The following ARHGAP10 variants were observed in gnomAD, a reference collection of about 807,000 sequenced individuals.
The protein encoded by ARHGAP10 is Rho GTPase activating protein 10, also known as rho GTPase-activating protein 10.
ARHGAP10 carries 87 observed loss-of-function variants against 108.6 expected under a neutral mutation model. The observed-to-expected ratio is 0.80, with a 90% confidence interval of 0.67 to 0.96. The LOEUF (loss-of-function observed/expected upper bound fraction) is 0.96. ARHGAP10 is among the 40% of genes least tolerant of loss of function. The pLI is 0.00. For synonymous variants in ARHGAP10, 347 were observed against 341.1 expected (o/e 1.02, Z -0.19); for missense variants, 939 against 954.5 (o/e 0.98, Z 0.21).
At chr4:147,732,775 G>A (rs987083711) in intron 1 of ARHGAP10, among the ~76,000 whole-genome samples, 1 of 152,178 alleles carries the variant, frequency 6.6e-6, no homozygotes, top group Admixed American at 6.5e-5. Context: ...CCGACCCTAG[G>A]CACTCCTGGC....
chr4:148,026,697 A>G (rs1354986539), intron 19 of ARHGAP10, among the ~76,000 whole-genome samples: 1 of 152,304 alleles, frequency 6.6e-6, no homozygotes, highest in East Asian at 1.9e-4. Context: ...TGAGATTCTC[A>G]TCTTTTATTT....
chr4:148,062,711 C>A (rs971562739), intron 20 of ARHGAP10, among the ~76,000 whole-genome samples: 1 of 152,168 alleles, frequency 6.6e-6, no homozygotes, highest in Non-Finnish European at 1.5e-5. Flanking sequence ...AATTGCCACA[C>A]GTGTAGGAGC....
chr4:147,755,412 A>C (rs1472350937), intron 1 of ARHGAP10, among the ~76,000 whole-genome samples: 1 of 151,976 alleles, frequency 6.6e-6, no homozygotes, highest in East Asian at 1.9e-4. Flanking sequence ...GACCCTAGCT[A>C]CTCGGGAGGC....
intron 18 of ARHGAP10, among the ~76,000 whole-genome samples, chr4:148,003,620 G>A (rs934694980): frequency 7.9e-5 from 12 of 152,248 alleles, no homozygotes; most frequent in Admixed American, 7.8e-4. Context: ...TATATGTTTA[G>A]GATAGTTAGC....
chr4:148,069,973 A>C (rs1430574745), intron 22 of ARHGAP10, among the ~76,000 whole-genome samples: 1 of 152,254 alleles, frequency 6.6e-6, no homozygotes, highest in Non-Finnish European at 1.5e-5. Flanking sequence ...GTCAGAGTCA[A>C]GGTCAGTGAA....
Position 147,899,135 on chromosome 4 carries a change from G to A in ARHGAP10, c.1035-7503G>A, listed in dbSNP as rs545818190. On this transcript the variant is annotated intron_variant, in intron 10 of 22. Coordinates refer to ENST00000336498, the MANE Select transcript of ARHGAP10 (RefSeq NM_024605.4). Reference sequence around the variant, plus strand: ...TCCTCATGAGCGCTTGAGGTCCCACGGACAAGAGTTGGAGGGCGGGTTCAG... The same window carrying A: ...TCCTCATGAGCGCTTGAGGTCCCACAGACAAGAGTTGGAGGGCGGGTTCAG... 5.3e-5 allele frequency among the ~76,000 whole-genome samples: 8 copies of A among 152,212 alleles called. No homozygotes were observed. The South Asian group carries it at 1.5e-3, about 28-fold the overall frequency.
At position 147,822,758 on chromosome 4, in the gene ARHGAP10, T is replaced by TTCAC; in HGVS notation, c.190_193dup (p.Arg65ThrfsTer5). ...CAGTGGCCCAGCGGAAGTTTGCTCA[T>TTCAC]TCACTCAGAGACTTTAAGTTTGAGT... On this transcript the variant is annotated frameshift_variant, in exon 2 of 23. Transcript: ENST00000336498. LOFTEE classifies it high-confidence loss of function. 6.2e-7 allele frequency: 1 copy of TTCAC among 1,614,242 alleles called. No homozygotes were observed. The highest frequency in any genetic ancestry group is 1.3e-5 in the African/African-American group (1 of 75,062).
intron 18 of ARHGAP10, among the ~76,000 whole-genome samples, chr4:147,989,534 C>T (rs1020427899): frequency 1.3e-5 from 2 of 152,166 alleles, no homozygotes; most frequent in Non-Finnish European, 2.9e-5. Context: ...CCCCTAGGTG[C>T]GCATTCCCTT....
At chr4:148,043,244 C>T (rs1028134926) in intron 19 of ARHGAP10, among the ~76,000 whole-genome samples, 14 of 152,132 alleles carry the variant, frequency 9.2e-5, no homozygotes, top group African/African-American at 3.4e-4. Flanking sequence ...CTCTTCTAAT[C>T]GGCGGTAGTT....
intron 13 of ARHGAP10, among the ~76,000 whole-genome samples, chr4:147,920,629 A>G (rs1014610667): frequency 1.5e-4 from 12 of 79,074 alleles, no homozygotes; most frequent in African/African-American, 3.2e-4. Flanking sequence ...TACGTGTTCA[A>G]CGTTGGTTAC....
intron 1 of ARHGAP10, among the ~76,000 whole-genome samples, chr4:147,733,749 AT>A (rs1466441451): frequency 5.3e-5 from 8 of 152,356 alleles, no homozygotes; most frequent in Middle Eastern, 3.4e-3. Context: ...TGTGGGAAGA[AT>A]TTAGTGAGCC....
At chr4:147,913,286 C>G (rs1192708115) in intron 13 of ARHGAP10, 147 bp downstream of exon 13, 8 of 707,692 alleles carry the variant, frequency 1.1e-5, no homozygotes, top group Non-Finnish European at 1.9e-5. Flanking sequence ...ATCAGTTATT[C>G]ATTTACTATG....
At chr4:147,990,594 T>G (rs1398827877) in intron 18 of ARHGAP10, among the ~76,000 whole-genome samples, 1 of 152,092 alleles carries the variant, frequency 6.6e-6, no homozygotes, top group Non-Finnish European at 1.5e-5. Flanking sequence ...ATATACACCA[T>G]GGAGTACTAA....
chr4:147,931,497 A>G (rs924940795), intron 13 of ARHGAP10, among the ~76,000 whole-genome samples: 6 of 152,178 alleles, frequency 3.9e-5, no homozygotes, highest in South Asian at 4.1e-4. Context: ...GCCCAAGTCT[A>G]TATCTATAGT....
intron 18 of ARHGAP10, among the ~76,000 whole-genome samples, chr4:147,975,441 A>G (rs1055668138): frequency 1.1e-4 from 16 of 152,196 alleles, no homozygotes; most frequent in African/African-American, 3.9e-4. Context: ...TGCTATAACA[A>G]TACTTGAGAC....
chr4:147,918,106 A>G (rs1737063238), intron 13 of ARHGAP10, among the ~76,000 whole-genome samples: 1 of 151,898 alleles, frequency 6.6e-6, no homozygotes, highest in Non-Finnish European at 1.5e-5. Context: ...AGGCTGAATA[A>G]GAAAAATAAT....
intron 9 of ARHGAP10, among the ~76,000 whole-genome samples, chr4:147,881,440 C>T (rs905884767): frequency 2.6e-5 from 4 of 152,084 alleles, no homozygotes; most frequent in African/African-American, 7.2e-5. Context: ...GAGATTGACA[C>T]CAGCCTGGCC....
At position 148,063,161 on chromosome 4, in the gene ARHGAP10, C is replaced by T. The variant is rs758074651; in HGVS notation, c.2041C>T (p.Arg681Ter). 6.1e-5 allele frequency: 99 copies of T among 1,614,024 alleles called. No homozygotes were observed. Among genetic ancestry groups the T allele is most frequent in the Non-Finnish European group, 7.6e-5 (90 of 1,180,032 alleles). Residue 681 changes from arginine to a stop codon, truncating the protein, a stop_gained, in exon 21 of 23, where the codon CGA becomes TGA. Transcript: ENST00000336498. LOFTEE classifies it high-confidence loss of function. ...DWASTIPGQT[R>*]SSMVQWLNPQ... ...TCCTACCCTTAGCCCAGGCCAGACC[C>T]GATCGTCTATGGTCCAGTGGCTTAA...
chr4:147,999,701 A>G (rs1740619882), intron 18 of ARHGAP10, among the ~76,000 whole-genome samples: 1 of 152,158 alleles, frequency 6.6e-6, no homozygotes, highest in Non-Finnish European at 1.5e-5. Flanking sequence ...CCAAGATTCC[A>G]TTCGTTGGAA....
Sources: allele counts gnomAD v4.1 joint callset (sites outside exome capture counted in the v4.1 genomes callset), GRCh38; gene constraint gnomAD v4.1.1; transcripts MANE v1.5; gene names NCBI Gene and HGNC (gene_info 2026-07-23, HGNC 2026-07-21).